Variants in PDIA6 observed in about 807,000 individuals in gnomAD.
PDIA6 encodes protein disulfide isomerase family A member 6, also known as protein disulfide-isomerase A6.
A neutral mutation model predicts 58.4 loss-of-function variants in PDIA6; 29 were observed. That is an observed-to-expected ratio of 0.50 (90% CI 0.37 to 0.68). The LOEUF (loss-of-function observed/expected upper bound fraction) is 0.68, where lower values mean the gene tolerates loss of function less well. Ranked by LOEUF, PDIA6 falls within the 30% of genes least tolerant of loss-of-function variation. PDIA6 has a pLI of 0.00. For synonymous variants in PDIA6, 192 were observed against 202.6 expected (o/e 0.95, Z 0.44); for missense variants, 480 against 551.0 (o/e 0.87, Z 1.29).
At chr2:10,823,816 T>C (rs1054015836) in intron 1 of PDIA6, among the ~76,000 whole-genome samples, 12 of 151,466 alleles carry the variant, frequency 7.9e-5, no homozygotes, top group African/African-American at 2.9e-4. Context: ...GCTCTGTCCT[T>C]CCATTGGCTA....
chr2:10,801,686 C>T (rs1482486603), intron 2 of PDIA6, among the ~76,000 whole-genome samples: 1 of 152,200 alleles, frequency 6.6e-6, no homozygotes, highest in Non-Finnish European at 1.5e-5. Context: ...ATTTGCTACA[C>T]TGAGCATGAA....
chr2:10,793,209 G>A lies in PDIA6; in HGVS notation c.347-7C>T, dbSNP rs1270957830. On this transcript the variant is annotated splice_polypyrimidine_tract_variant and splice_region_variant and intron_variant, in intron 4 of 12. Coordinates refer to ENST00000272227, the MANE Select transcript of PDIA6 (RefSeq NM_005742.4). ...GCTTCACCAGTTCTGCCACCTACAG[G>A]AGACGGAAGGTAGGCGGTCCTCAGC... 2 of 1,594,660 alleles carry A rather than the reference G, an allele frequency of 1.3e-6. No individual in the cohort carries two copies. Among genetic ancestry groups the A allele is most frequent in the East Asian group, 2.3e-5 (1 of 43,972 alleles).
chr2:10,828,021 C>A (rs1667597826), intron 1 of PDIA6, among the ~76,000 whole-genome samples: 2 of 149,912 alleles, frequency 1.3e-5, no homozygotes, highest in Non-Finnish European at 3.0e-5. Flanking sequence ...AACCCCTCCC[C>A]CTGCCACACA....
chr2:10,812,918 G>C, upstream of PDIA6: 1 of 993,572 alleles, frequency 1.0e-6, no homozygotes, highest in Non-Finnish European at 1.3e-6. Context: ...AGGCGGCCGG[G>C]TAGAGGTTAC....
chr2:10,790,824 T>C lies in PDIA6; in HGVS notation c.594A>G (p.Pro198=), dbSNP rs1666001976. 1 of 1,612,256 alleles carries C rather than the reference T, an allele frequency of 6.2e-7. No individual in the cohort carries two copies. Among genetic ancestry groups the C allele is most frequent in the African/African-American group, 1.3e-5 (1 of 75,030 alleles). The change falls in exon 7 of 13, where the codon CCA becomes CCG. Residue 198 remains proline, a synonymous_variant. Transcript: ENST00000272227. ...CTTCTGAAGCTGCGGCAGCCCACTC[T>C]GGCTCTAGGCTATAGAAAAATATTC... ...PWCGHCKNLE[P]EWAAAASEVK... is the part of the protein sequence containing the mutation.
At chr2:10,819,842 C>T (rs1055816251) in intron 1 of PDIA6, among the ~76,000 whole-genome samples, 8 of 152,200 alleles carry the variant, frequency 5.3e-5, no homozygotes, top group African/African-American at 1.9e-4. Flanking sequence ...ATCCTGTTGG[C>T]TTGCTTGGTT....
At position 10,790,776 on chromosome 2, in the gene PDIA6, T is replaced by C. The variant is rs745750029; in HGVS notation, c.642A>G (p.Lys214=). 5.6e-6 allele frequency: 9 copies of C among 1,614,170 alleles called. No individual in the cohort carries two copies. Among genetic ancestry groups the C allele is most frequent in the Non-Finnish European group, 7.6e-6 (9 of 1,180,002 alleles). ...TAGCATCCACAGCTGCCAGTTTCACTTTTCCTTTCGTCTGCTCTTTTACTT... is the reference window on the plus strand; with the variant it reads ...TAGCATCCACAGCTGCCAGTTTCACCTTTCCTTTCGTCTGCTCTTTTACTT... ...ASEVKEQTKG[K]VKLAAVDATV... Residue 214 remains lysine (K), a synonymous_variant, in exon 7 of 13, where the codon AAA becomes AAG. Transcript: ENST00000272227.
intron 2 of PDIA6, among the ~76,000 whole-genome samples, chr2:10,799,456 C>T (rs1009115876): frequency 6.6e-6 from 1 of 152,124 alleles, no homozygotes; most frequent in African/African-American, 2.4e-5. Context: ...GAAATTTACC[C>T]AATATCACAG....
upstream of PDIA6, among the ~76,000 whole-genome samples, chr2:10,816,781 T>A (rs1184742427): frequency 6.6e-6 from 1 of 152,120 alleles, no homozygotes; most frequent in South Asian, 2.1e-4. Context: ...GTAGCAGAGC[T>A]GAAGAAAGTC....
intron 11 of PDIA6, among the ~76,000 whole-genome samples, chr2:10,786,854 C>T (rs548908543): frequency 1.8e-4 from 28 of 152,180 alleles, no homozygotes; most frequent in Middle Eastern, 3.4e-3. Flanking sequence ...AACTTAAGTA[C>T]GCCCATTTTC....
upstream of PDIA6, among the ~76,000 whole-genome samples, chr2:10,836,006 G>A (rs1667825042): frequency 6.6e-6 from 1 of 151,276 alleles, no homozygotes; most frequent in South Asian, 2.1e-4. Context: ...AGCCAAGATC[G>A]AGCCACACTG....
intron 5 of PDIA6, 148 bp from the exon 6 acceptor site, chr2:10,792,073 G>A: frequency 2.4e-6 from 2 of 843,790 alleles, no homozygotes; most frequent in Non-Finnish European, 3.7e-6. Flanking sequence ...ATTCAAATTG[G>A]GTACATTCCT....
rs904378527 is a variant in PDIA6 at position 10,832,309 on chromosome 2, G to A, written c.-155C>T. The A allele has an allele frequency of 4.7e-5, 30 of 632,776 alleles. No homozygotes were observed. The African/African-American group carries it at 5.3e-4, about 11-fold the overall frequency. 39.2% of individuals were successfully genotyped at this position (632,776 alleles called of 1,614,324 possible). A position where few individuals can be genotyped will look rare whatever the true frequency, so the allele number is the denominator to read the frequency against. ...GCCCAAATGCCCATCAGCAGTGGAA[G>A]GATAAATTGTGTTCTGCTCACACAG... On this transcript the variant is annotated 5_prime_UTR_variant, in exon 1 of 14. Transcript: ENST00000381611.
At chr2:10,793,565 T>C (rs1470846823) in intron 4 of PDIA6, among the ~76,000 whole-genome samples, 2 of 152,138 alleles carry the variant, frequency 1.3e-5, no homozygotes, top group African/African-American at 4.8e-5. Flanking sequence ...GATTTCACCA[T>C]GTCGGCCAGG....
chr2:10,784,270 T>C lies in PDIA6; in HGVS notation c.1311A>G (p.Lys437=), dbSNP rs752215305. The change falls in exon 13 of 13, where the codon AAA becomes AAG. Residue 437 remains lysine (K), a synonymous_variant. Coordinates refer to ENST00000272227, the MANE Select transcript of PDIA6 (RefSeq NM_005742.4). ...TCTGTTGTGGCTCTCACAACTCATC[T>C]TTCCCTAAGTCATCAAGCTCCACAT... ...LSDVELDDLG[K]DEL is the part of the protein sequence containing the mutation. 1.9e-6 allele frequency: 3 copies of C among 1,612,822 alleles called. No individual in the cohort carries two copies. The highest frequency in any genetic ancestry group is 2.5e-6 in the Non-Finnish European group (3 of 1,179,640).
upstream of PDIA6, among the ~76,000 whole-genome samples, chr2:10,834,852 C>T (rs941747418): frequency 5.9e-5 from 9 of 151,688 alleles, no homozygotes; most frequent in East Asian, 1.9e-4. Context: ...CCGCAACCTC[C>T]GCCTCCCAAG....
intron 1 of PDIA6, among the ~76,000 whole-genome samples, chr2:10,810,638 G>T (rs954027140): frequency 6.6e-6 from 1 of 151,982 alleles, no homozygotes; most frequent in African/African-American, 2.4e-5. Context: ...TGTTGATTAA[G>T]GTTTGAGACT....
In PDIA6 at chr2:10,788,997, G is replaced by T. The variant is rs771256449; in HGVS notation, c.841-16C>A. 2 of 1,602,392 alleles carry T rather than the reference G, an allele frequency of 1.2e-6. No individual in the cohort carries two copies. Among genetic ancestry groups the T allele is most frequent in the East Asian group, 2.2e-5 (1 of 44,832 alleles). ...CGTTGATAATCTGTGGGACCCAAAA[G>T]ACAAGGGACAATCAGGAGGCTGCAT... On this transcript the variant is annotated splice_polypyrimidine_tract_variant and intron_variant, in intron 8 of 12. Coordinates refer to ENST00000272227, the MANE Select transcript of PDIA6 (RefSeq NM_005742.4).
At chr2:10,827,356 C>A (rs967646160) in intron 1 of PDIA6, among the ~76,000 whole-genome samples, 1 of 152,108 alleles carries the variant, frequency 6.6e-6, no homozygotes, top group African/African-American at 2.4e-5. Flanking sequence ...AGCCACCGCA[C>A]CCAGCCTTAT....
Sources: gnomAD v4.1 joint callset for allele counts (sites outside exome capture counted in the v4.1 genomes callset) on GRCh38, gnomAD v4.1.1 for gene constraint, MANE v1.5 for transcripts, NCBI Gene and HGNC (gene_info 2026-07-23, HGNC 2026-07-21) for gene names.